BCKDHB: variants seen among roughly 807,000 people sequenced by gnomAD.
BCKDHB encodes 2-oxoisovalerate dehydrogenase subunit beta, mitochondrial.
Under a neutral mutation model 48.5 loss-of-function variants are expected in BCKDHB, and 41 were observed. The ratio of observed to expected loss-of-function variants is 0.85; its 90% CI spans 0.66 to 1.10. The LOEUF is 1.10. BCKDHB is among the 50% of genes least tolerant of loss of function. The pLI, the probability that BCKDHB is intolerant of heterozygous loss-of-function variation, is 0.00. For synonymous variants in BCKDHB, 201 were observed against 174.8 expected (o/e 1.15, Z -1.18); for missense variants, 496 against 494.2 (o/e 1.00, Z -0.03).
chr6:80,163,338 T>TA (rs1487378832), intron 3 of BCKDHB, among the ~76,000 whole-genome samples: 13 of 149,956 alleles, frequency 8.7e-5, no homozygotes, highest in Non-Finnish European at 1.9e-4. Context: ...TCTTCTCTCC[T>TA]ACTTTGCAGA....
the BCKDHB span, chr6:80,463,204 T>G: frequency 6.6e-6 from 1 of 152,222 alleles, no homozygotes; most frequent in African/African-American, 2.4e-5. Context: ...TTTGTTTAAT[T>G]CTTATGTGCA....
In BCKDHB at chr6:80,236,682, T is replaced by A. The variant is rs185517380; in HGVS notation, c.951+33470T>A. On this transcript the variant is annotated intron_variant, in intron 8 of 9. Coordinates refer to ENST00000320393, the MANE Select transcript of BCKDHB (RefSeq NM_183050.4). ...CCCCAAGACACATACTAACAAGGGT[T>A]GAGCTGGGATTTGAACCCAGGCAGT... Among the ~76,000 whole-genome samples the A allele has an allele frequency of 3.6e-3, 544 of 152,316 alleles. 4 individuals are homozygous for A. Among genetic ancestry groups the A allele is most frequent in the Middle Eastern group, 0.01 (3 of 294 alleles).
the BCKDHB span, among the ~76,000 whole-genome samples, chr6:80,419,125 G>A: frequency 6.6e-6 from 1 of 152,176 alleles, no homozygotes; most frequent in Non-Finnish European, 1.5e-5. Context: ...TTTGGGGGAG[G>A]TGGGACAGCC....
At chr6:80,437,459 T>G in the BCKDHB span, among the ~76,000 whole-genome samples, 5 of 152,274 alleles carry the variant, frequency 3.3e-5, no homozygotes, top group Non-Finnish European at 1.5e-5. Flanking sequence ...TGGCTTCAAT[T>G]CTCTTTGGAA....
At chr6:80,129,324 C>A in intron 3 of BCKDHB, 95 bp downstream of exon 3, 1 of 996,486 alleles carries the variant, frequency 1.0e-6, no homozygotes, top group East Asian at 2.4e-5. Context: ...TTGTCATATC[C>A]CCATTGTATG....
chr6:80,412,844 C>G, the BCKDHB span, among the ~76,000 whole-genome samples: 1 of 152,166 alleles, frequency 6.6e-6, no homozygotes, highest in Non-Finnish European at 1.5e-5. Context: ...TGTAATCTAA[C>G]TTTCTCCTGA....
chr6:80,356,336 A>G, the BCKDHB span: 2 of 152,208 alleles, frequency 1.3e-5, no homozygotes, highest in East Asian at 3.8e-4. Flanking sequence ...TCTGAACAAT[A>G]AAAGTGTTCA....
At chr6:80,426,452 C>T in the BCKDHB span, among the ~76,000 whole-genome samples, 1 of 152,120 alleles carries the variant, frequency 6.6e-6, no homozygotes, top group East Asian at 1.9e-4. Flanking sequence ...CTAATATAAT[C>T]ATACAATGCT....
intron 3 of BCKDHB, among the ~76,000 whole-genome samples, chr6:80,152,863 A>G (rs1420680099): frequency 6.6e-6 from 1 of 152,180 alleles, no homozygotes; most frequent in Non-Finnish European, 1.5e-5. Flanking sequence ...TATGGCAAAC[A>G]GCACACAGCA....
chr6:80,444,153 A>G, the BCKDHB span, among the ~76,000 whole-genome samples: 2 of 152,054 alleles, frequency 1.3e-5, no homozygotes, highest in Non-Finnish European at 1.5e-5. Flanking sequence ...ATGGAGGAAA[A>G]TGATTTCAGG....
intron 3 of BCKDHB, among the ~76,000 whole-genome samples, chr6:80,132,320 A>G (rs758657713): frequency 1.1e-4 from 17 of 152,114 alleles, no homozygotes; most frequent in Non-Finnish European, 2.4e-4. Flanking sequence ...AACTCCCACC[A>G]GAAAGTTGTC....
At chr6:80,113,641 A>G (rs115474283) in intron 1 of BCKDHB, among the ~76,000 whole-genome samples, 1,911 of 152,330 alleles carry the variant, frequency 0.013, 35 homozygotes, top group African/African-American at 0.044. Flanking sequence ...GGCTTTCCAA[A>G]ATACGTTACT....
chr6:80,125,264 C>T (rs1349171498), intron 1 of BCKDHB, among the ~76,000 whole-genome samples: 4 of 152,172 alleles, frequency 2.6e-5, no homozygotes, highest in Non-Finnish European at 5.9e-5. Flanking sequence ...TCACCTCTGT[C>T]AGCTTTCATA....
the BCKDHB span, among the ~76,000 whole-genome samples, chr6:80,433,567 T>C: frequency 6.6e-6 from 1 of 152,198 alleles, no homozygotes; most frequent in African/African-American, 2.4e-5. Context: ...GCAGTGAGAA[T>C]TTCAAGCCAG....
At chr6:80,333,902 T>C (rs890558764) in intron 9 of BCKDHB, among the ~76,000 whole-genome samples, 4 of 152,288 alleles carry the variant, frequency 2.6e-5, no homozygotes, top group East Asian at 3.9e-4. Context: ...TCTTCATTAA[T>C]GGATCAATGG....
chr6:80,311,874 T>C (rs1476798075), intron 9 of BCKDHB, among the ~76,000 whole-genome samples: 2 of 152,238 alleles, frequency 1.3e-5, no homozygotes, highest in Non-Finnish European at 2.9e-5. Context: ...GCCTCCAGCC[T>C]TGTTCTTTTT....
rs1193437862 is a variant in BCKDHB at position 80,200,053 on chromosome 6, G to C, written c.743-881G>C. Among the ~76,000 whole-genome samples the C allele has an allele frequency of 2.9e-5, 3 of 105,214 alleles. No individual in the cohort carries two copies. The East Asian group carries it at 8.8e-4, about 31-fold the overall frequency. The allele number at this position is 105,214 out of a possible 152,430, so 69.0% of individuals were successfully genotyped here. A position where few individuals can be genotyped will look rare whatever the true frequency, so the allele number is the denominator to read the frequency against. ...CACTCCAGCCTGGGTGACAGAGTGA[G>C]ACCCTGTCTCAAAAAAAAAAAAAAA... On this transcript the variant is annotated intron_variant, in intron 6 of 9. Transcript: ENST00000320393.
intron 6 of BCKDHB, 116 bp downstream of exon 6, chr6:80,171,506 G>T (rs1772915205): frequency 1.5e-6 from 1 of 661,880 alleles, no homozygotes; most frequent in Non-Finnish European, 2.5e-6. Flanking sequence ...CTTGTAGAAA[G>T]AATCTTGATT....
At chr6:80,455,905 C>G in the BCKDHB span, among the ~76,000 whole-genome samples, 1 of 152,136 alleles carries the variant, frequency 6.6e-6, no homozygotes, top group Non-Finnish European at 1.5e-5. Flanking sequence ...TCAGGGGCAG[C>G]TGGGACTCAG....
Sources: gnomAD v4.1 joint callset for allele counts (sites outside exome capture counted in the v4.1 genomes callset) on GRCh38, gnomAD v4.1.1 for gene constraint, MANE v1.5 for transcripts, NCBI Gene and HGNC (gene_info 2026-07-23, HGNC 2026-07-21) for gene names.